AKAP9: variants seen among roughly 807,000 people sequenced by gnomAD.
AKAP9 encodes A-kinase anchor protein 9.
A neutral mutation model predicts 488.5 loss-of-function variants in AKAP9; 311 were observed. The ratio of observed to expected loss-of-function variants is 0.64; its 90% CI spans 0.58 to 0.70. The LOEUF (loss-of-function observed/expected upper bound fraction) is 0.70, where lower values mean the gene tolerates loss of function less well. Among genes scored for constraint, AKAP9 ranks in the 30% least tolerant of loss-of-function variants. The pLI, the probability that AKAP9 is intolerant of heterozygous loss-of-function variation, is 0.00. For synonymous variants in AKAP9, 1,462 were observed against 1,483.5 expected (o/e 0.99, Z 0.33); for missense variants, 4,215 against 4,374.5 (o/e 0.96, Z 1.03).
chr7:91,968,217 T>A (rs1055438849), intron 1 of AKAP9, among the ~76,000 whole-genome samples: 12 of 152,222 alleles, frequency 7.9e-5, no homozygotes, highest in Non-Finnish European at 1.5e-4. Flanking sequence ...GTGCTGAGAT[T>A]ACAGGTGTGA....
In AKAP9 at chr7:92,098,211, A is replaced by G. The variant is rs767245893; in HGVS notation, c.10710A>G (p.Glu3570=). ...QLQKLTGQQG[E]EPSLVSPSTS... ...AGAAATTAACTGGCCAGCAAGGTGA[A>G]GAGGTAATACTTTTTAAAAGTTATT... Residue 3570 remains glutamate (E), a synonymous_variant, in exon 43 of 50, where the codon GAA becomes GAG. Transcript: ENST00000356239. The G allele has an allele frequency of 1.9e-6, 3 of 1,586,574 alleles. No individual in the cohort carries two copies. The highest frequency in any genetic ancestry group is 1.7e-5 in the Admixed American group (1 of 59,912).
chr7:91,958,066 A>G (rs1793274370), intron 1 of AKAP9, among the ~76,000 whole-genome samples: 1 of 152,194 alleles, frequency 6.6e-6, no homozygotes, highest in African/African-American at 2.4e-5. Context: ...GCAAACTGAT[A>G]TTCATGTGTT....
chr7:92,104,345 C>T (rs1479436029), intron 46 of AKAP9, among the ~76,000 whole-genome samples: 1 of 151,874 alleles, frequency 6.6e-6, no homozygotes, highest in Non-Finnish European at 1.5e-5. Context: ...CGCCCACCAC[C>T]ACACCCGGCT....
chr7:92,094,407 C>T lies in AKAP9; in HGVS notation c.9579-616C>T, dbSNP rs1054286495. On this transcript the variant is annotated intron_variant, in intron 39 of 49. Transcript: ENST00000356239. ...AATTAGCCGGGCATGCTGGCATTCA[C>T]CTGTAATCCCAGCTACATGGGAGGG... is the stretch of plus-strand genomic sequence containing the variant. Among the ~76,000 whole-genome samples, 19 of 152,010 alleles carry T rather than the reference C, an allele frequency of 1.2e-4. 1 individual carries two copies. The highest frequency in any genetic ancestry group is 3.9e-4 in the African/African-American group (16 of 41,500).
At chr7:92,026,728 G>C (rs1444529037) in intron 14 of AKAP9, among the ~76,000 whole-genome samples, 1 of 152,242 alleles carries the variant, frequency 6.6e-6, no homozygotes, top group Admixed American at 6.5e-5. Flanking sequence ...AAAGTGCTGA[G>C]ATTACAGCCT....
At chr7:92,024,328 C>T (rs1802767225) in intron 14 of AKAP9, among the ~76,000 whole-genome samples, 1 of 151,488 alleles carries the variant, frequency 6.6e-6, no homozygotes, top group South Asian at 2.1e-4. Context: ...ACGAGAATCA[C>T]TTGAACATAG....
chr7:92,102,030 C>T (rs574637550), intron 45 of AKAP9, among the ~76,000 whole-genome samples: 1 of 151,994 alleles, frequency 6.6e-6, no homozygotes, highest in East Asian at 1.9e-4. Flanking sequence ...GTGGTGGGCG[C>T]CTGTAATCCC....
chr7:92,042,091 G>T lies in AKAP9; in HGVS notation c.4963G>T (p.Val1655Leu), dbSNP rs769175497. 6.2e-7 allele frequency: 1 copy of T among 1,613,946 alleles called. No individual in the cohort carries two copies. Among genetic ancestry groups the T allele is most frequent in the Non-Finnish European group, 8.5e-7 (1 of 1,179,904 alleles). Residue 1655 changes from valine to leucine, a missense_variant, in exon 19 of 50, where the codon GTG becomes TTG. Coordinates refer to ENST00000356239, the MANE Select transcript of AKAP9 (RefSeq NM_005751.5). ...NENLVSERER[V>L]LLEELEALKQ... ...AAACCTGGTTTCAGAGAGAGAGAGG[G>T]TGCTTTTAGAGGAGCTGGAAGCACT...
In AKAP9 at chr7:91,968,255, T is replaced by C. The variant is rs139526567; in HGVS notation, c.49-5456T>C. On this transcript the variant is annotated intron_variant, in intron 1 of 49. Transcript: ENST00000356239. ...CACCGCTCCCAGCTTGATGAGAGAC[T>C]TTTTATTAAGGCTTTGATTTCATTG... Among the ~76,000 whole-genome samples, 81 of 152,330 alleles carry C rather than the reference T, an allele frequency of 5.3e-4. 1 individual carries two copies. The East Asian group carries it at 0.015, about 29-fold the overall frequency.
intron 30 of AKAP9, among the ~76,000 whole-genome samples, chr7:92,078,412 A>G (rs1812979239): frequency 6.6e-6 from 1 of 152,124 alleles, no homozygotes; most frequent in South Asian, 2.1e-4. Context: ...GCTTGGGCCC[A>G]GGAGTTCAAG....
rs746872613 is a variant in AKAP9 at position 92,079,711 on chromosome 7, A to G, written c.7578A>G (p.Gln2526=). The G allele has an allele frequency of 4.3e-6, 7 of 1,614,150 alleles. No homozygotes were observed. Among genetic ancestry groups the G allele is most frequent in the Non-Finnish European group, 5.9e-6 (7 of 1,180,002 alleles). The change falls in exon 31 of 50, where the codon CAA becomes CAG. Residue 2526 remains glutamine (Q), a synonymous_variant. Coordinates refer to ENST00000356239, the MANE Select transcript of AKAP9 (RefSeq NM_005751.5). ...TQCYKQIKDM[Q]EQGQFETEML... ...GTTATAAACAAATAAAAGACATGCA[A>G]GAACAAGGCCAGTTTGAAACAGAAA... is the stretch of plus-strand genomic sequence containing the variant.
chr7:92,068,592 A>G (rs1200517162), intron 26 of AKAP9, among the ~76,000 whole-genome samples: 1 of 151,514 alleles, frequency 6.6e-6, no homozygotes, highest in Non-Finnish European at 1.5e-5. Context: ...AAAGATGTGC[A>G]TGTTTGATTT....
At position 91,992,870 on chromosome 7, in the gene AKAP9, C is replaced by G; in HGVS notation, c.406-15C>G. 6.2e-7 allele frequency: 1 copy of G among 1,611,876 alleles called. No individual in the cohort carries two copies. Among genetic ancestry groups the G allele is most frequent in the South Asian group, 1.1e-5 (1 of 90,964 alleles). On this transcript the variant is annotated splice_polypyrimidine_tract_variant and intron_variant, in intron 4 of 49. Transcript: ENST00000356239. ...TTGCTAATACTGAATTCTTTAAAAT[C>G]TTGGATTGATTTAGGAAGAAGAATT...
At chr7:91,981,250 G>A (rs186155666) in intron 3 of AKAP9, among the ~76,000 whole-genome samples, 202 of 152,222 alleles carry the variant, frequency 1.3e-3, no homozygotes, top group African/African-American at 1.9e-3. Flanking sequence ...AATTTGGGGC[G>A]CATACAGTTG....
At chr7:91,944,624 TG>T (rs1231795968) in intron 1 of AKAP9, among the ~76,000 whole-genome samples, 1 of 152,160 alleles carries the variant, frequency 6.6e-6, no homozygotes, top group Non-Finnish European at 1.5e-5. Flanking sequence ...TGCCGTTAAG[TG>T]ATCTGCCTGC....
chr7:92,088,780 C>A (rs975751247), intron 37 of AKAP9, among the ~76,000 whole-genome samples: 2 of 151,912 alleles, frequency 1.3e-5, no homozygotes, highest in Non-Finnish European at 2.9e-5. Context: ...TAGGACTACA[C>A]ACCAAGAAAA....
At position 92,098,147 on chromosome 7, in the gene AKAP9, G is replaced by C; in HGVS notation, c.10646G>C (p.Trp3549Ser). The change falls in exon 43 of 50, where the codon TGG becomes TCG. Residue 3549 changes from tryptophan to serine, a missense_variant. Physicochemically the swap from Trp to Ser is radical, Grantham distance 177. Transcript: ENST00000356239. ...ACAGCAGATGATGAAGATTTCATTT[G>C]GGTTCAGGAAAATATTGATGAAATT... ...FETADDEDFIWVQENIDEIIL... is the reference protein window; with the variant it reads ...FETADDEDFISVQENIDEIIL... 1 of 1,612,702 alleles carries C rather than the reference G, an allele frequency of 6.2e-7. No individual in the cohort carries two copies.
chr7:92,042,122 A>T lies in AKAP9; in HGVS notation c.4994A>T (p.Gln1665Leu), dbSNP rs763089587. The T allele has an allele frequency of 1.4e-5, 22 of 1,613,946 alleles. No individual in the cohort carries two copies. The Admixed American group carries it at 3.5e-4, about 26-fold the overall frequency. ...VLLEELEALK[Q>L]LSLAGREKLC... is the part of the protein sequence containing the mutation. ...TTAGAGGAGCTGGAAGCACTAAAGC[A>T]GCTGTCTTTAGCTGGAAGAGAGAAG... Residue 1665 changes from glutamine (Q) to leucine (L), a missense_variant, in exon 19 of 50, where the codon CAG becomes CTG. By Grantham distance (113) the Gln-to-Leu change is moderately radical (BLOSUM62 -2). Around this residue, in one of 5 missense-constraint regions of AKAP9, gnomAD observed 2,361 missense variants for 2,430.0 expected, o/e 0.97. Transcript: ENST00000356239.
rs1380557073 is a variant in AKAP9 at position 92,001,605 on chromosome 7, A to C, written c.1688A>C (p.Lys563Thr). Residue 563 changes from lysine to threonine, a missense_variant, in exon 8 of 50, where the codon AAG becomes ACG. Physicochemically the swap from Lys to Thr is moderately conservative, Grantham distance 78. Coordinates refer to ENST00000356239, the MANE Select transcript of AKAP9 (RefSeq NM_005751.5). ...EQESKLNEAH[K>T]SLSTVEDLKA... ...GAAAGTAAACTTAATGAAGCACATA[A>C]GTCCCTTAGTACAGTGGAAGATTTG... 6.2e-7 allele frequency: 1 copy of C among 1,613,770 alleles called. No homozygotes were observed. Among genetic ancestry groups the C allele is most frequent in the Non-Finnish European group, 8.5e-7 (1 of 1,179,826 alleles).
Sources: gnomAD v4.1 joint callset for allele counts (sites outside exome capture counted in the v4.1 genomes callset) on GRCh38, gnomAD v4.1.1 for gene constraint, gnomAD v4.1.1 regional missense constraint, MANE v1.5 for transcripts, NCBI Gene and HGNC (gene_info 2026-07-23, HGNC 2026-07-21) for gene names.